The following HERC2 variants were observed in gnomAD, a reference collection of about 807,000 sequenced individuals.
HERC2 encodes the protein HECT and RLD domain containing E3 ubiquitin protein ligase 2, also known as E3 ubiquitin-protein ligase HERC2.
A neutral mutation model predicts 537.7 loss-of-function variants in HERC2; 102 were observed. That is an observed-to-expected ratio of 0.19 (90% CI 0.16 to 0.22). HERC2 has a LOEUF of 0.22. HERC2 is among the 10% of genes least tolerant of loss of function. The probability of loss-of-function intolerance (pLI) is 1.00; values close to 1 mark genes in which losing one functional copy is unlikely to be tolerated. For missense variants in HERC2, 4,236 were observed against 6,198.2 expected, an observed-to-expected ratio of 0.68 and a Z score of 10.63; for synonymous variants, 2,224 against 2,466.2, an observed-to-expected ratio of 0.90 and a Z score of 2.91.
intron 19 of HERC2, among the ~76,000 whole-genome samples, chr15:28,255,511 C>T (rs1444037980): frequency 6.6e-6 from 1 of 152,134 alleles, no homozygotes; most frequent in Non-Finnish European, 1.5e-5. Context: ...AGAGTGCATA[C>T]TATATAGTTA....
chr15:28,290,602 A>G (rs539598405), intron 4 of HERC2, among the ~76,000 whole-genome samples: 156 of 152,356 alleles, frequency 1.0e-3, no homozygotes, highest in Non-Finnish European at 1.7e-3. Flanking sequence ...AAGCCTCAAC[A>G]TTGAAATCAC....
intron 80 of HERC2, 82 bp downstream of exon 80, chr15:28,132,571 A>G: frequency 1.6e-6 from 2 of 1,278,114 alleles, no homozygotes; most frequent in Non-Finnish European, 2.0e-6. Context: ...ATTTTTCATA[A>G]CAACGGTGGC....
intron 8 of HERC2, 146 bp downstream of exon 8, chr15:28,272,748 A>G: frequency 1.7e-6 from 1 of 603,330 alleles, no homozygotes; most frequent in East Asian, 2.8e-5. Flanking sequence ...GAAAAGGTAA[A>G]GAGAGAGAGC....
intron 86 of HERC2, chr15:28,118,100 C>T (rs1888474053): frequency 5.9e-6 from 1 of 170,050 alleles, no homozygotes; most frequent in Non-Finnish European, 1.3e-5. Context: ...GCCACAGTTG[C>T]CTGTAGAATG....
intron 4 of HERC2, among the ~76,000 whole-genome samples, chr15:28,285,803 CAAAA>C (rs3079904): frequency 5.5e-5 from 4 of 72,372 alleles, no homozygotes; most frequent in South Asian, 4.3e-4. Flanking sequence ...GCATGACTGA[CAAAA>C]AAAAAAAAAA....
Position 28,265,348 on chromosome 15 carries a change from T to A in HERC2, c.1870+270A>T, listed in dbSNP as rs1271158205. Among the ~76,000 whole-genome samples the A allele has an allele frequency of 6.6e-6, 1 of 152,102 alleles. No homozygotes were observed. Among genetic ancestry groups the A allele is most frequent in the Non-Finnish European group, 1.5e-5 (1 of 68,018 alleles). On this transcript the variant is annotated intron_variant, in intron 14 of 92. Transcript: ENST00000261609. The surrounding 1 kb of genome is among the most constrained non-coding windows in gnomAD (Gnocchi z 4.0). ...TGTAATAATACTAACCAGAGACAAT[T>A]CAGAGTGTCAATCATCCCATTTCAA...
intron 2 of HERC2, among the ~76,000 whole-genome samples, chr15:28,310,088 T>G (rs2076898875): frequency 6.6e-6 from 1 of 152,214 alleles, no homozygotes; most frequent in African/African-American, 2.4e-5. Context: ...GAGAATCACT[T>G]GTGCCCAGGA....
rs1887894814 is a variant in HERC2, at chr15:28,113,596, T to A, written c.13996A>T (p.Thr4666Ser). 1 of 1,613,922 alleles carries A rather than the reference T, an allele frequency of 6.2e-7. No homozygotes were observed. The highest frequency in any genetic ancestry group is 8.5e-7 in the Non-Finnish European group (1 of 1,179,994). The change falls in exon 91 of 93, where the codon ACC (threonine) becomes TCC (serine). Residue 4666 changes from threonine (T) to serine (S), a missense_variant. Transcript: ENST00000261609. This position sits in a 1 kb window ranked among gnomAD's most constrained non-coding sequence, Gnocchi z 7.0. ...VVPVPLLSLF[T>S]GYELETMVCG... ...ACCATCGTCTCCAGTTCGTAGCCGG[T>A]GAACAGAGAGAGGAGGGGAACAGGC...
chr15:28,271,006 C>T (rs1316203205), intron 9 of HERC2, 138 bp from the exon 10 acceptor site: 3 of 688,982 alleles, frequency 4.4e-6, no homozygotes, highest in Non-Finnish European at 7.6e-6. Flanking sequence ...TACAGTTATA[C>T]TATACATCTA....
intron 87 of HERC2, 37 bp from the exon 88 acceptor site, chr15:28,116,896 A>G: frequency 6.2e-7 from 1 of 1,608,414 alleles, no homozygotes; most frequent in East Asian, 2.2e-5. Context: ...GTCCCCTCAC[A>G]CAGTCCTGTG....
intron 35 of HERC2, 88 bp downstream of exon 35, chr15:28,228,129 TA>T (rs367658561): frequency 0.14 from 121,956 of 852,094 alleles, no homozygotes; most frequent in South Asian, 0.17. Context: ...CAAAAAGCTT[TA>T]AAAAAAAAAA....
chr15:28,275,577 G>A (rs1251364964), intron 5 of HERC2, among the ~76,000 whole-genome samples: 1 of 152,172 alleles, frequency 6.6e-6, no homozygotes, highest in Admixed American at 6.5e-5. Flanking sequence ...ACAAGTCACA[G>A]TTTCATTCTG....
Position 28,167,777 on chromosome 15 carries a change from G to T in HERC2, c.10464C>A (p.Ala3488=), listed in dbSNP as rs1318975685. 6.2e-7 allele frequency: 1 copy of T among 1,614,182 alleles called. No homozygotes were observed. Among genetic ancestry groups the T allele is most frequent in the South Asian group, 1.1e-5 (1 of 91,082 alleles). The change falls in exon 68 of 93, where the codon GCC becomes GCA. Residue 3488 remains alanine, a synonymous_variant. Coordinates refer to ENST00000261609, the MANE Select transcript of HERC2 (RefSeq NM_004667.6). ...AVTPSAVTPS[A]PSASARPFIP... is the part of the protein sequence containing the mutation. ...TAAAAGGCCGAGCGGAGGCTGAGGG[G>T]GCCGACGGAGTCACTGCAGAGGGGG...
Position 28,248,539 on chromosome 15 carries a change from T to G in HERC2, c.3235+13A>C, listed in dbSNP as rs962194014. On this transcript the variant is annotated intron_variant, in intron 21 of 92. Transcript: ENST00000261609. ...ATCACATACAAGACACTTTCACATT[T>G]TAAGCAACTTACTAGAAATATCTGA... 4 of 1,606,870 alleles carry G rather than the reference T, an allele frequency of 2.5e-6. No homozygotes were observed. In the East Asian group the frequency reaches 8.9e-5, roughly 36 times the overall value.
At position 28,132,145 on chromosome 15, in the gene HERC2, G is replaced by C. The variant is rs763651739; in HGVS notation, c.12525C>G (p.Gly4175=). The change falls in exon 81 of 93, where the codon GGC becomes GGG. Residue 4175 remains glycine, a synonymous_variant. Transcript: ENST00000261609. ...CATCGCTGCCTCCCCGGCCGAGCTT[G>C]CCGTAGTCCCCGTCCCCCCAGGACC... The part of the protein sequence containing the change: ...TVWSWGDGDY[G]KLGRGGSDGC... The C allele has an allele frequency of 6.2e-7, 1 of 1,613,228 alleles. No homozygotes were observed. The highest frequency in any genetic ancestry group is 8.5e-7 in the Non-Finnish European group (1 of 1,179,412).
intron 76 of HERC2, 84 bp downstream of exon 76, chr15:28,142,154 G>C (rs1596036357): frequency 1.4e-6 from 2 of 1,475,576 alleles, no homozygotes; most frequent in Admixed American, 4.4e-5. Context: ...ATTTTTCTGT[G>C]TCTCGTAATA....
intron 12 of HERC2, among the ~76,000 whole-genome samples, chr15:28,267,231 A>G (rs1437638388): frequency 6.6e-6 from 1 of 152,054 alleles, no homozygotes; most frequent in African/African-American, 2.4e-5. Context: ...CAATGACTCT[A>G]CTCCAGTACA....
chr15:28,222,901 A>G lies in HERC2; in HGVS notation c.5465-686T>C, dbSNP rs185947371. ...CGGCAGACAGCACCTGACACAGCTC[A>G]GTGCCAGGGCAGTTAAGCTCGTCCT... On this transcript the variant is annotated intron_variant, in intron 35 of 92. Coordinates refer to ENST00000261609, the MANE Select transcript of HERC2 (RefSeq NM_004667.6). Among the ~76,000 whole-genome samples the G allele has an allele frequency of 3.7e-3, 568 of 152,330 alleles. 2 individuals are homozygous for G. Among genetic ancestry groups the G allele is most frequent in the African/African-American group, 0.013 (534 of 41,580 alleles).
chr15:28,152,548 G>T (rs1892562545), intron 70 of HERC2, 129 bp downstream of exon 70: 4 of 827,282 alleles, frequency 4.8e-6, no homozygotes, highest in Non-Finnish European at 7.3e-6. Flanking sequence ...GGAGAAAAGT[G>T]ATTCTAAAGC....
Sources: gnomAD v4.1 joint callset for allele counts (sites outside exome capture counted in the v4.1 genomes callset) on GRCh38, gnomAD v4.1.1 for gene constraint, Gnocchi (gnomAD v3.1) non-coding constraint, MANE v1.5 for transcripts, NCBI Gene and HGNC (gene_info 2026-07-23, HGNC 2026-07-21) for gene names.